The following ERG variants were observed in gnomAD, a reference collection of about 807,000 sequenced individuals.
The protein encoded by ERG is transcriptional regulator ERG.
In ERG, 9 loss-of-function variants were observed where a neutral mutation model predicts 55.3. The observed-to-expected ratio is 0.16, with a 90% confidence interval of 0.10 to 0.28. ERG has a LOEUF of 0.28. Ranked by LOEUF, ERG falls within the 10% of genes least tolerant of loss-of-function variation. The pLI is 1.00. For missense variants in ERG, 434 were observed against 631.6 expected (o/e 0.69, Z 3.35); for synonymous variants, 223 against 237.3 (o/e 0.94, Z 0.55).
intron 4 of ERG, among the ~76,000 whole-genome samples, chr21:38,403,135 G>A (rs1207399017): frequency 1.3e-5 from 2 of 152,178 alleles, no homozygotes; most frequent in Admixed American, 6.5e-5. Context: ...TAATTCCTAC[G>A]AAAGAGAAGC....
chr21:38,462,531 G>A (rs956410401), intron 1 of ERG, among the ~76,000 whole-genome samples: 3 of 152,154 alleles, frequency 2.0e-5, no homozygotes, highest in Non-Finnish European at 4.4e-5. Flanking sequence ...ACTTTATGAA[G>A]AACATATTTT....
intron 1 of ERG, among the ~76,000 whole-genome samples, chr21:38,477,219 G>A (rs1490097942): frequency 2.0e-5 from 3 of 151,964 alleles, no homozygotes; most frequent in Non-Finnish European, 2.9e-5. Context: ...TCACCATGTT[G>A]GCTAGGTTGG....
At chr21:38,511,104 T>C (rs866963509) in intron 2 of ERG, among the ~76,000 whole-genome samples, 1 of 152,202 alleles carries the variant, frequency 6.6e-6, no homozygotes, top group Non-Finnish European at 1.5e-5. Context: ...CTAACAAATG[T>C]TTCCCCCTGA....
chr21:38,638,529 A>G (rs2060404354), intron 1 of ERG, among the ~76,000 whole-genome samples: 1 of 152,238 alleles, frequency 6.6e-6, no homozygotes, highest in East Asian at 1.9e-4. Flanking sequence ...GTAGAAATTC[A>G]AATGGACAAA....
At chr21:38,628,933 C>G (rs1468562070) in intron 1 of ERG, among the ~76,000 whole-genome samples, 1 of 152,162 alleles carries the variant, frequency 6.6e-6, no homozygotes, top group Non-Finnish European at 1.5e-5. Flanking sequence ...CCCCAGTAAC[C>G]CTTTCCTCCA....
At chr21:38,438,554 CCTG>C (rs757374808) in intron 2 of ERG, among the ~76,000 whole-genome samples, 13 of 152,312 alleles carry the variant, frequency 8.5e-5, no homozygotes, top group Admixed American at 3.9e-4. Flanking sequence ...TATAAAACAT[CCTG>C]CTATCTGACC....
At chr21:38,509,586 C>T (rs892595132) in intron 2 of ERG, among the ~76,000 whole-genome samples, 1 of 152,142 alleles carries the variant, frequency 6.6e-6, no homozygotes, top group African/African-American at 2.4e-5. Flanking sequence ...ACCCTCCTCT[C>T]CCATCCCTAA....
intron 1 of ERG, among the ~76,000 whole-genome samples, chr21:38,476,401 G>A (rs541711331): frequency 7.9e-5 from 12 of 152,084 alleles, no homozygotes; most frequent in African/African-American, 1.4e-4. Flanking sequence ...TAACACCAGC[G>A]AAACATGTTC....
chr21:38,432,924 A>G (rs1232738946), intron 2 of ERG, among the ~76,000 whole-genome samples: 2 of 152,224 alleles, frequency 1.3e-5, no homozygotes, highest in Non-Finnish European at 2.9e-5. Flanking sequence ...TTTCATCACT[A>G]TTAAGTATTC....
chr21:38,505,441 T>G (rs1393947659), intron 2 of ERG, among the ~76,000 whole-genome samples: 3 of 152,228 alleles, frequency 2.0e-5, no homozygotes, highest in African/African-American at 7.2e-5. Context: ...GGCAGGCCAG[T>G]TCTTTTCCAA....
rs188877920 is a variant in ERG, at chr21:38,425,920, A to G, written c.237-2359T>C. On this transcript the variant is annotated intron_variant, in intron 2 of 9. Transcript: ENST00000288319. The stretch of plus-strand genomic sequence containing the variant: ...TAGCTGGGATGTGGACAGGAAGGGA[A>G]AGTGTTTGTTCAGCATGTGGGAACT... Among the ~76,000 whole-genome samples, 244 of 152,364 alleles carry G rather than the reference A, an allele frequency of 1.6e-3. 1 individual carries two copies. Among genetic ancestry groups the G allele is most frequent in the Non-Finnish European group, 1.2e-3 (80 of 68,036 alleles).
chr21:38,646,878 C>T (rs1370386629), intron 1 of ERG, among the ~76,000 whole-genome samples: 1 of 152,134 alleles, frequency 6.6e-6, no homozygotes, highest in Admixed American at 6.5e-5. Context: ...GTCAGTCCCG[C>T]CACATGACCT....
intron 9 of ERG, among the ~76,000 whole-genome samples, chr21:38,385,345 T>C (rs1987642760): frequency 6.6e-6 from 1 of 152,178 alleles, no homozygotes; most frequent in Admixed American, 6.5e-5. Flanking sequence ...TACCAAAAGA[T>C]TACCTTTTAT....
intron 6 of ERG, among the ~76,000 whole-genome samples, chr21:38,398,687 C>G (rs1437489709): frequency 6.6e-6 from 1 of 152,150 alleles, no homozygotes; most frequent in African/African-American, 2.4e-5. Flanking sequence ...ATGGGCCATA[C>G]CTTCCAAATC....
intron 2 of ERG, among the ~76,000 whole-genome samples, chr21:38,567,618 A>G (rs2146847882): frequency 6.6e-6 from 1 of 152,280 alleles, no homozygotes; most frequent in East Asian, 1.9e-4. Flanking sequence ...TATATTCTCA[A>G]AAGGATAAAC....
chr21:38,582,044 C>CAA (rs35717235), intron 1 of ERG, among the ~76,000 whole-genome samples: 4,669 of 87,736 alleles, frequency 0.053, 364 homozygotes, highest in African/African-American at 0.19. Flanking sequence ...CTCCATCTCA[C>CAA]AAAAAAAAAA....
intron 1 of ERG, among the ~76,000 whole-genome samples, chr21:38,480,591 C>CTTTTTTT (rs544037525): frequency 0.1 from 5,061 of 50,792 alleles, 1,021 homozygotes; most frequent in Non-Finnish European, 0.13. Context: ...ACTATATGGC[C>CTTTTTTT]TTTTTTTTTT....
chr21:38,398,535 G>T (rs1399676620), intron 6 of ERG, among the ~76,000 whole-genome samples: 1 of 152,138 alleles, frequency 6.6e-6, no homozygotes, highest in African/African-American at 2.4e-5. Context: ...CCCAGGTCAC[G>T]CTCAAATTAT....
rs531971767 is a variant in ERG at position 38,557,281 on chromosome 21, T to G, written c.-41+18381A>C. ...TCTATTTTTAGTTGCTAATATGCATTCCTGAAAAGTTTATTTAAAGCCACA... is the reference window on the plus strand; with the variant it reads ...TCTATTTTTAGTTGCTAATATGCATGCCTGAAAAGTTTATTTAAAGCCACA... On this transcript the variant is annotated intron_variant, in intron 2 of 8. Transcript: ENST00000398897. Among the ~76,000 whole-genome samples, 10 of 152,360 alleles carry G rather than the reference T, an allele frequency of 6.6e-5. No individual in the cohort carries two copies. The East Asian group carries it at 1.9e-3, about 29-fold the overall frequency.
Sources: gnomAD v4.1 joint callset for allele counts (sites outside exome capture counted in the v4.1 genomes callset) on GRCh38, gnomAD v4.1.1 for gene constraint, MANE v1.5 for transcripts, NCBI Gene and HGNC (gene_info 2026-07-23, HGNC 2026-07-21) for gene names.